Variants in GPR157 observed in about 807,000 individuals in gnomAD.
The protein encoded by GPR157 is G-protein coupled receptor 157.
In GPR157, 16 loss-of-function variants were observed where a neutral mutation model predicts 23.5. The ratio of observed to expected loss-of-function variants is 0.68; its 90% CI spans 0.46 to 1.04. GPR157 has a LOEUF of 1.04. Ranked by LOEUF, GPR157 falls within the 50% of genes least tolerant of loss-of-function variation. The pLI, the probability that GPR157 is intolerant of heterozygous loss-of-function variation, is 0.00. For synonymous variants in GPR157, 200 were observed against 221.5 expected (o/e 0.90, Z 0.86); for missense variants, 440 against 460.7 (o/e 0.96, Z 0.41).
At position 9,104,048 on chromosome 1, in the gene GPR157, A is replaced by G. The variant is rs535617619; in HGVS notation, c.*371T>C. 5.3e-4 allele frequency: 106 copies of G among 198,434 alleles called. No homozygotes were observed. Among genetic ancestry groups the G allele is most frequent in the African/African-American group, 2.3e-3 (102 of 43,824 alleles). 12.3% of individuals were successfully genotyped at this position (198,434 alleles called of 1,614,324 possible). On this transcript the variant is annotated 3_prime_UTR_variant, in exon 4 of 4. Transcript: ENST00000377411. ...GACAGCTTATTTAATCACACAGAGG[A>G]TAGGTGCACAGATGTGGGTCCCTCA...
At chr1:9,126,442 A>G (rs1024689688) in intron 1 of GPR157, among the ~76,000 whole-genome samples, 1 of 152,132 alleles carries the variant, frequency 6.6e-6, no homozygotes, top group African/African-American at 2.4e-5. Flanking sequence ...CAATTCCTAA[A>G]CGCACATTAG....
chr1:9,110,966 A>T (rs1013037627), intron 2 of GPR157, among the ~76,000 whole-genome samples: 1 of 152,214 alleles, frequency 6.6e-6, no homozygotes, highest in Non-Finnish European at 1.5e-5. Flanking sequence ...GACCAAGGAC[A>T]CAGCAGCCCT....
Position 9,128,773 on chromosome 1 carries a change from C to T in GPR157, c.255G>A (p.Leu85=). ...PSWDCVLQGA[L]STFANTSSFF... The stretch of plus-strand genomic sequence containing the variant: ...AGGAGCTGGTGTTGGCGAAGGTGGA[C>T]AGCGCGCCCTGCAGCACGCAGTCCC... The change falls in exon 1 of 4, where the codon CTG becomes CTA. Residue 85 remains leucine (L), a synonymous_variant. Coordinates refer to ENST00000377411, the MANE Select transcript of GPR157 (RefSeq NM_024980.5). The surrounding 1 kb of genome is among the most constrained non-coding windows in gnomAD (Gnocchi z 6.3). 6.2e-7 allele frequency: 1 copy of T among 1,612,178 alleles called. No homozygotes were observed.
At chr1:9,116,478 T>A (rs529388461) in intron 1 of GPR157, among the ~76,000 whole-genome samples, 82 of 136,456 alleles carry the variant, frequency 6.0e-4, no homozygotes, top group African/African-American at 1.8e-3. Context: ...TTTTTTTTTT[T>A]ATTTTATTAT....
intron 1 of GPR157, among the ~76,000 whole-genome samples, chr1:9,127,930 A>AAC (rs1638999903): frequency 6.6e-6 from 1 of 152,140 alleles, no homozygotes. Flanking sequence ...GGCTTACTTG[A>AAC]AAGACGCTTG....
In GPR157 at chr1:9,128,875, G is replaced by A. The variant is rs868627640; in HGVS notation, c.153C>T (p.Leu51=). 2 of 1,571,226 alleles carry A rather than the reference G, an allele frequency of 1.3e-6. No individual in the cohort carries two copies. The highest frequency in any genetic ancestry group is 1.7e-6 in the Non-Finnish European group (2 of 1,159,746). The part of the protein sequence containing the change: ...DLRSRARRLL[L]FLSLADLLSA... ...AGAGCAGGTCGGCCAGCGACAGGAA[G>A]AGCAGCAGGCGCCGTGCCCGGCTGC... Residue 51 remains leucine (L), a synonymous_variant, in exon 1 of 4, where the codon CTC becomes CTT. Transcript: ENST00000377411. The surrounding 1 kb of genome is among the most constrained non-coding windows in gnomAD (Gnocchi z 6.3).
At chr1:9,123,231 TA>T (rs1638844036) in intron 1 of GPR157, among the ~76,000 whole-genome samples, 7 of 101,570 alleles carry the variant, frequency 6.9e-5, no homozygotes, top group East Asian at 5.9e-4. Context: ...AATATATATT[TA>T]AATATATATT....
rs1268648029 is a variant in GPR157 at position 9,128,929 on chromosome 1, C to T, written c.99G>A (p.Val33=). The change falls in exon 1 of 4, where the codon GTG becomes GTA. Residue 33 remains valine (V), a synonymous_variant. Coordinates refer to ENST00000377411, the MANE Select transcript of GPR157 (RefSeq NM_024980.5). The surrounding 1 kb of genome is among the most constrained non-coding windows in gnomAD (Gnocchi z 6.3). The stretch of plus-strand genomic sequence containing the variant: ...GGTCGGGCCACAGGGCGTGCGTGGC[C>T]ACCAGCAGGCCCGAGCCGAGCGCGG... ...ALSALGSGLL[V]ATHALWPDLR... 3.3e-6 allele frequency: 5 copies of T among 1,534,866 alleles called. No individual in the cohort carries two copies. In the East Asian group the frequency reaches 9.8e-5, roughly 30 times the overall value.
chr1:9,116,324 A>AT (rs1281935699), intron 1 of GPR157, among the ~76,000 whole-genome samples: 1 of 37,172 alleles, frequency 2.7e-5, no homozygotes, highest in African/African-American at 1.8e-4. Flanking sequence ...TATAATATAT[A>AT]TAAATTATAT....
intron 1 of GPR157, among the ~76,000 whole-genome samples, chr1:9,123,514 T>C (rs1355896438): frequency 9.6e-6 from 1 of 104,102 alleles, no homozygotes; most frequent in Non-Finnish European, 1.7e-5. Context: ...TCAAAATATA[T>C]ATTTAATTTA....
At chr1:9,117,624 T>C (rs1382725193) in intron 1 of GPR157, among the ~76,000 whole-genome samples, 1 of 152,096 alleles carries the variant, frequency 6.6e-6, no homozygotes, top group Non-Finnish European at 1.5e-5. Flanking sequence ...TAGCCGGACG[T>C]GGTGGTGGGC....
intron 2 of GPR157, among the ~76,000 whole-genome samples, chr1:9,108,179 C>T (rs759032596): frequency 6.6e-6 from 1 of 152,188 alleles, no homozygotes; most frequent in Non-Finnish European, 1.5e-5. Context: ...CTGCCAGCAC[C>T]TGGTGTCTTG....
In GPR157 at chr1:9,128,652, C is replaced by T. The variant is rs1223094073; in HGVS notation, c.376G>A (p.Val126Ile). 1 of 1,612,930 alleles carries T rather than the reference C, an allele frequency of 6.2e-7. No homozygotes were observed. The highest frequency in any genetic ancestry group is 1.1e-5 in the South Asian group (1 of 91,072). Residue 126 changes from valine to isoleucine, a missense_variant, in exon 1 of 4, where the codon GTC (valine) becomes ATC (isoleucine). By Grantham distance (29) the Val-to-Ile change is conservative. Transcript: ENST00000377411. This position sits in a 1 kb window ranked among gnomAD's most constrained non-coding sequence, Gnocchi z 6.3. ...RTDRLLWAFH[V>I]VSWGVPLVIT... ...AGCGCCACCGCCACCCACCTGACGACATGGAAGGCCCAAAGCAGGCGATCT... is the reference window on the plus strand; with the variant it reads ...AGCGCCACCGCCACCCACCTGACGATATGGAAGGCCCAAAGCAGGCGATCT...
At chr1:9,127,499 GAAGGC>G (rs1468986754) in intron 1 of GPR157, among the ~76,000 whole-genome samples, 1 of 152,210 alleles carries the variant, frequency 6.6e-6, no homozygotes, top group Non-Finnish European at 1.5e-5. Context: ...ATGCTGCCGG[GAAGGC>G]AAGGCAAGGC....
chr1:9,123,119 T>C, intron 1 of GPR157, among the ~76,000 whole-genome samples: 1 of 145,318 alleles, frequency 6.9e-6, no homozygotes, highest in Non-Finnish European at 1.5e-5. Context: ...GATCGCACCA[T>C]TGTACCCCAG....
At chr1:9,112,368 G>A (rs1232123084) in intron 1 of GPR157, among the ~76,000 whole-genome samples, 1 of 152,178 alleles carries the variant, frequency 6.6e-6, no homozygotes, top group African/African-American at 2.4e-5. Context: ...CTTACACAAT[G>A]GCGGGGAACA....
intron 2 of GPR157, among the ~76,000 whole-genome samples, chr1:9,108,013 C>A (rs966692282): frequency 8.5e-6 from 1 of 118,208 alleles, no homozygotes; most frequent in Non-Finnish European, 1.9e-5. Flanking sequence ...TTGCAGTGAG[C>A]CAGAGGTGGA....
At chr1:9,110,033 G>T (rs1638442602) in intron 2 of GPR157, among the ~76,000 whole-genome samples, 1 of 152,106 alleles carries the variant, frequency 6.6e-6, no homozygotes, top group South Asian at 2.1e-4. Flanking sequence ...AAGCCTGCAG[G>T]ATGAGCCCGG....
intron 1 of GPR157, among the ~76,000 whole-genome samples, chr1:9,126,871 T>C (rs1008211684): frequency 1.1e-4 from 16 of 152,212 alleles, no homozygotes; most frequent in Non-Finnish European, 1.8e-4. Context: ...ATACGTTGCT[T>C]GTTTTTTCTT....
Sources: allele counts gnomAD v4.1 joint callset (sites outside exome capture counted in the v4.1 genomes callset), GRCh38; gene constraint gnomAD v4.1.1; non-coding constraint Gnocchi (gnomAD v3.1); transcripts MANE v1.5; gene names NCBI Gene and HGNC (gene_info 2026-07-23, HGNC 2026-07-21).